The following C1QTNF3 variants were observed in gnomAD, a reference collection of about 807,000 sequenced individuals.
C1QTNF3 encodes the protein C1q and TNF related 3, also known as complement C1q tumor necrosis factor-related protein 3.
In C1QTNF3, 26 loss-of-function variants were observed where a neutral mutation model predicts 32.6. The ratio of observed to expected loss-of-function variants is 0.80; its 90% confidence interval spans 0.58 to 1.11. C1QTNF3 has a LOEUF of 1.11. Ranked by LOEUF, C1QTNF3 falls within the 50% of genes least tolerant of loss-of-function variation. C1QTNF3 has a pLI of 0.00. For synonymous variants in C1QTNF3, 155 were observed against 146.0 expected (o/e 1.06, Z -0.44); for missense variants, 362 against 398.2 (o/e 0.91, Z 0.77).
the C1QTNF3 span, among the ~76,000 whole-genome samples, chr5:34,141,124 C>T: frequency 7.3e-5 from 11 of 151,438 alleles, no homozygotes; most frequent in South Asian, 2.1e-4. Context: ...TTGACTCCTT[C>T]TTCTTTTTTT....
At chr5:34,140,370 G>A in the C1QTNF3 span, among the ~76,000 whole-genome samples, 4 of 152,158 alleles carry the variant, frequency 2.6e-5, no homozygotes, top group African/African-American at 9.7e-5. Flanking sequence ...AGGACTCTGA[G>A]TTCTTAGAGA....
At chr5:34,155,989 CAA>C in the C1QTNF3 span, among the ~76,000 whole-genome samples, 1 of 152,200 alleles carries the variant, frequency 6.6e-6, no homozygotes. Flanking sequence ...AATTCACGCA[CAA>C]AGTCATCATG....
the C1QTNF3 span, among the ~76,000 whole-genome samples, chr5:34,238,061 A>C: frequency 4.9e-4 from 75 of 152,218 alleles, no homozygotes; most frequent in Non-Finnish European, 7.3e-4. Flanking sequence ...AACCAAACAC[A>C]AGAATTACTC....
intron 4 of C1QTNF3, among the ~76,000 whole-genome samples, chr5:34,028,214 C>T (rs376764757): frequency 4.0e-4 from 61 of 152,272 alleles, no homozygotes; most frequent in Admixed American, 9.2e-4. Flanking sequence ...CCTCGTGATC[C>T]GCCTGCTTCG....
At chr5:34,132,435 G>GTATATA in the C1QTNF3 span, among the ~76,000 whole-genome samples, 3,529 of 136,804 alleles carry the variant, frequency 0.026, 73 homozygotes, top group Non-Finnish European at 0.034. Flanking sequence ...GTATGTGTAT[G>GTATATA]TATATATATA....
chr5:34,084,425 A>C, the C1QTNF3 span, among the ~76,000 whole-genome samples: 1 of 151,770 alleles, frequency 6.6e-6, no homozygotes, highest in African/African-American at 2.4e-5. Context: ...ACGTATCTCT[A>C]TCCAATTCCT....
At chr5:34,232,586 G>A in the C1QTNF3 span, among the ~76,000 whole-genome samples, 4 of 151,954 alleles carry the variant, frequency 2.6e-5, no homozygotes, top group African/African-American at 7.3e-5. Flanking sequence ...GTTTAAAAGT[G>A]TGTGGCACTT....
At chr5:34,065,975 T>C in the C1QTNF3 span, among the ~76,000 whole-genome samples, 74,985 of 152,098 alleles carry the variant, frequency 0.49, 21,506 homozygotes, top group Non-Finnish European at 0.63. Flanking sequence ...GTGATACATA[T>C]ACACCATGGA....
At position 34,043,010 on chromosome 5, in the gene C1QTNF3, C is replaced by A. The variant is rs368754050; in HGVS notation, c.116G>T (p.Arg39Ile). Residue 39 changes from arginine to isoleucine, a missense_variant, in exon 1 of 6, where the codon AGA becomes ATA. By Grantham distance (97) the Arg-to-Ile change is moderately conservative. Transcript: ENST00000382065. Reference protein sequence around the residue: ...VSGRTNKVVARIVQSHQQTGR... With the variant: ...VSGRTNKVVAIIVQSHQQTGR... ...AGTCTGCTGGTGGCTTTGCACTATT[C>A]TTGCCACCACTTTATTAGTTCTTCC... 2.1e-5 allele frequency: 34 copies of A among 1,614,074 alleles called. No homozygotes were observed. Among genetic ancestry groups the A allele is most frequent in the Non-Finnish European group, 2.8e-5 (33 of 1,180,042 alleles).
chr5:34,162,493 C>T, the C1QTNF3 span, among the ~76,000 whole-genome samples: 1 of 152,068 alleles, frequency 6.6e-6, no homozygotes, highest in Non-Finnish European at 1.5e-5. Context: ...CAAACCATAG[C>T]AGGTATATAA....
At chr5:34,236,664 C>G in the C1QTNF3 span, among the ~76,000 whole-genome samples, 1 of 146,910 alleles carries the variant, frequency 6.8e-6, no homozygotes, top group African/African-American at 2.5e-5. Flanking sequence ...TCCTCCACCC[C>G]GCCAGGTTCA....
chr5:34,224,493 T>C, the C1QTNF3 span, among the ~76,000 whole-genome samples: 13 of 151,552 alleles, frequency 8.6e-5, no homozygotes, highest in Middle Eastern at 6.8e-3. Flanking sequence ...TCAGAAATAA[T>C]GCCACATATC....
the C1QTNF3 span, among the ~76,000 whole-genome samples, chr5:34,061,614 T>C: frequency 1.3e-5 from 2 of 152,326 alleles, no homozygotes; most frequent in Middle Eastern, 3.4e-3. Context: ...CAACACCATA[T>C]GGAAGCTGCA....
At chr5:34,099,711 A>AT in the C1QTNF3 span, among the ~76,000 whole-genome samples, 1 of 141,634 alleles carries the variant, frequency 7.1e-6, no homozygotes, top group Non-Finnish European at 1.5e-5. Flanking sequence ...TTGATTAGTG[A>AT]TTGTCTATAC....
the C1QTNF3 span, among the ~76,000 whole-genome samples, chr5:34,058,208 T>A: frequency 2.0e-5 from 3 of 152,172 alleles, no homozygotes; most frequent in South Asian, 2.1e-4. Flanking sequence ...TGAGGCTTCT[T>A]TTTTTTTCAG....
the C1QTNF3 span, among the ~76,000 whole-genome samples, chr5:34,078,730 CCT>C: frequency 2.0e-5 from 3 of 151,654 alleles, no homozygotes; most frequent in African/African-American, 7.3e-5. The surrounding 1 kb of genome is among the most constrained non-coding windows in gnomAD (Gnocchi z 4.0). Context: ...TAGGCACTCC[CCT>C]CTGTTTGTCC....
At chr5:34,093,836 G>C in the C1QTNF3 span, among the ~76,000 whole-genome samples, 1 of 152,128 alleles carries the variant, frequency 6.6e-6, no homozygotes, top group African/African-American at 2.4e-5. Context: ...AAACACGGCG[G>C]GGTTAGCCAT....
chr5:34,221,882 CCGGT>C, the C1QTNF3 span, among the ~76,000 whole-genome samples: 1 of 151,950 alleles, frequency 6.6e-6, no homozygotes, highest in Admixed American at 6.6e-5. Context: ...CACCAAGCAG[CCGGT>C]CATTTTTCTT....
the C1QTNF3 span, among the ~76,000 whole-genome samples, chr5:34,215,862 G>A: frequency 6.6e-6 from 1 of 152,222 alleles, no homozygotes; most frequent in Admixed American, 6.5e-5. Flanking sequence ...TGAGCTCTTT[G>A]CCCCAAGCAA....
Sources: gnomAD v4.1 joint callset for allele counts (sites outside exome capture counted in the v4.1 genomes callset) on GRCh38, gnomAD v4.1.1 for gene constraint, Gnocchi (gnomAD v3.1) non-coding constraint, MANE v1.5 for transcripts, NCBI Gene and HGNC (gene_info 2026-07-23, HGNC 2026-07-21) for gene names.